The following HPSE2 variants were observed in gnomAD, a reference collection of about 807,000 sequenced individuals.
HPSE2 encodes inactive heparanase-2.
HPSE2 carries 38 observed loss-of-function variants against 60.5 expected under a neutral mutation model. That is an observed-to-expected ratio of 0.63 (90% confidence interval 0.48 to 0.82). The LOEUF is 0.82. Among genes scored for constraint, HPSE2 ranks in the 40% least tolerant of loss-of-function variants. The probability of loss-of-function intolerance (pLI) is 0.00; values close to 1 mark genes in which losing one functional copy is unlikely to be tolerated. For synonymous variants in HPSE2, 295 were observed against 293.2 expected, an observed-to-expected ratio of 1.01 and a Z score of -0.06; for missense variants, 713 against 740.4, an observed-to-expected ratio of 0.96 and a Z score of 0.43.
At chr10:98,488,506 C>T (rs1428639998) in intron 10 of HPSE2, among the ~76,000 whole-genome samples, 1 of 152,140 alleles carries the variant, frequency 6.6e-6, no homozygotes, top group Non-Finnish European at 1.5e-5. Context: ...GATGAACACT[C>T]GAGATCACGT....
intron 9 of HPSE2, among the ~76,000 whole-genome samples, chr10:98,614,656 A>G (rs1221332876): frequency 6.6e-6 from 1 of 152,052 alleles, no homozygotes; most frequent in Non-Finnish European, 1.5e-5. Flanking sequence ...TATATTGCAT[A>G]CTGCACATAC....
In HPSE2 at chr10:99,014,370, G is replaced by C. The variant is rs182724324; in HGVS notation, c.610+129868C>G. 4.1e-4 allele frequency among the ~76,000 whole-genome samples: 63 copies of C among 152,242 alleles called. 1 individual carries two copies. Among genetic ancestry groups the C allele is most frequent in the Admixed American group, 1.8e-3 (27 of 15,302 alleles). Reference sequence around the variant, plus strand: ...CAGTGTATCATTCATGGCCACTTAGGTTGATTCCATGTCTTTGCTATTGTG... The same window carrying C: ...CAGTGTATCATTCATGGCCACTTAGCTTGATTCCATGTCTTTGCTATTGTG... On this transcript the variant is annotated intron_variant, in intron 3 of 11. Coordinates refer to ENST00000370552, the MANE Select transcript of HPSE2 (RefSeq NM_021828.5).
intron 7 of HPSE2, among the ~76,000 whole-genome samples, chr10:98,628,374 T>A (rs1369289333): frequency 6.6e-6 from 1 of 152,138 alleles, no homozygotes; most frequent in African/African-American, 2.4e-5. Context: ...TCTAAGAAAC[T>A]GAGGGCTATA....
intron 3 of HPSE2, among the ~76,000 whole-genome samples, chr10:99,133,315 C>T (rs893411172): frequency 3.3e-5 from 5 of 152,134 alleles, no homozygotes; most frequent in African/African-American, 4.8e-5. Context: ...GTGCAGTTTC[C>T]GCAAACTTAA....
intron 2 of HPSE2, among the ~76,000 whole-genome samples, chr10:99,231,311 C>T (rs1355420402): frequency 6.6e-6 from 1 of 152,192 alleles, no homozygotes; most frequent in African/African-American, 2.4e-5. Context: ...AAATCTGTCC[C>T]TGAGCCCTTT....
At chr10:98,611,019 C>T (rs1025106010) in intron 9 of HPSE2, among the ~76,000 whole-genome samples, 2 of 152,062 alleles carry the variant, frequency 1.3e-5, no homozygotes, top group Admixed American at 6.5e-5. Flanking sequence ...GCACAAACAT[C>T]GCCTACTCCC....
At chr10:98,596,711 G>C (rs1945248877) in intron 9 of HPSE2, among the ~76,000 whole-genome samples, 1 of 152,074 alleles carries the variant, frequency 6.6e-6, no homozygotes, top group Non-Finnish European at 1.5e-5. Context: ...CTGCTGAGAA[G>C]TCTGCTGCTA....
At chr10:98,649,145 G>A (rs1946850940) in intron 6 of HPSE2, among the ~76,000 whole-genome samples, 1 of 152,094 alleles carries the variant, frequency 6.6e-6, no homozygotes. Context: ...TGTAAATTGG[G>A]GGTTGCTTAT....
chr10:98,486,381 G>A (rs566962327), intron 10 of HPSE2, among the ~76,000 whole-genome samples: 1 of 152,266 alleles, frequency 6.6e-6, no homozygotes, highest in African/African-American at 2.4e-5. Context: ...GTTCCTTTCA[G>A]GAGAGAAGTT....
chr10:98,898,087 A>G (rs1277343495), intron 3 of HPSE2, among the ~76,000 whole-genome samples: 1 of 152,170 alleles, frequency 6.6e-6, no homozygotes, highest in African/African-American at 2.4e-5. Flanking sequence ...AAATAAGCAT[A>G]TGAAAAGATG....
intron 2 of HPSE2, among the ~76,000 whole-genome samples, chr10:99,180,627 G>A (rs1005437219): frequency 1.3e-5 from 2 of 152,082 alleles, no homozygotes; most frequent in Admixed American, 1.3e-4. Context: ...GCTCATGCCT[G>A]TAATCCTAGC....
intron 6 of HPSE2, among the ~76,000 whole-genome samples, chr10:98,659,555 C>T (rs568660426): frequency 6.8e-4 from 104 of 152,280 alleles, no homozygotes; most frequent in African/African-American, 2.2e-3. Flanking sequence ...TTTATTTATT[C>T]ATTCATCTGT....
At chr10:98,544,366 C>A (rs893422935) in intron 9 of HPSE2, among the ~76,000 whole-genome samples, 1 of 152,140 alleles carries the variant, frequency 6.6e-6, no homozygotes, top group Non-Finnish European at 1.5e-5. Context: ...TAAATGCCCA[C>A]AAGAGAAAGC....
intron 3 of HPSE2, among the ~76,000 whole-genome samples, chr10:98,989,479 A>C (rs1348509525): frequency 1.4e-5 from 2 of 146,760 alleles, no homozygotes; most frequent in African/African-American, 2.5e-5. Flanking sequence ...GGGAACATCA[A>C]ACACCGGGGA....
intron 11 of HPSE2, among the ~76,000 whole-genome samples, chr10:98,463,929 C>T (rs1591210876): frequency 6.6e-6 from 1 of 151,652 alleles, no homozygotes; most frequent in East Asian, 1.9e-4. Flanking sequence ...CCAGCCAGAC[C>T]AACATGGTGA....
At chr10:98,539,086 TG>T (rs1395429529) in intron 9 of HPSE2, among the ~76,000 whole-genome samples, 1 of 152,228 alleles carries the variant, frequency 6.6e-6, no homozygotes, top group Non-Finnish European at 1.5e-5. Flanking sequence ...AAAACATGAC[TG>T]CTTGATATTA....
intron 2 of HPSE2, among the ~76,000 whole-genome samples, chr10:99,187,353 T>C (rs2133851183): frequency 6.6e-6 from 1 of 152,318 alleles, no homozygotes; most frequent in South Asian, 2.1e-4. Context: ...ATGTATTTTA[T>C]AAACTCTAGG....
intron 3 of HPSE2, among the ~76,000 whole-genome samples, chr10:98,896,149 C>A (rs1467381936): frequency 6.6e-6 from 1 of 151,780 alleles, no homozygotes; most frequent in Non-Finnish European, 1.5e-5. Flanking sequence ...AGTTCCCTTG[C>A]AACGAGATAC....
chr10:98,912,963 T>A (rs1310317340), intron 3 of HPSE2, among the ~76,000 whole-genome samples: 2 of 152,174 alleles, frequency 1.3e-5, no homozygotes, highest in Admixed American at 6.5e-5. Flanking sequence ...AACGGATAAA[T>A]GCTTGAGGGA....
Sources: allele counts gnomAD v4.1 joint callset (sites outside exome capture counted in the v4.1 genomes callset), GRCh38; gene constraint gnomAD v4.1.1; transcripts MANE v1.5; gene names NCBI Gene and HGNC (gene_info 2026-07-23, HGNC 2026-07-21).